Variants in RRAS2 observed in about 807,000 individuals in gnomAD.
The protein encoded by RRAS2 is ras-related protein R-Ras2.
Under a neutral mutation model 27.6 loss-of-function variants are expected in RRAS2, and 7 were observed. That is an observed-to-expected ratio of 0.25 (90% CI 0.14 to 0.48). The LOEUF is 0.48. RRAS2 is among the 20% of genes least tolerant of loss of function. RRAS2 has a pLI of 0.99. For synonymous variants in RRAS2, 86 were observed against 90.9 expected (o/e 0.95, Z 0.31); for missense variants, 178 against 256.2 (o/e 0.69, Z 2.08).
intron 1 of RRAS2, among the ~76,000 whole-genome samples, chr11:14,315,725 A>T (rs1848086616): frequency 6.6e-6 from 1 of 152,214 alleles, no homozygotes; most frequent in African/African-American, 2.4e-5. Flanking sequence ...TAAAGTTCTT[A>T]AAGTCTACTA....
rs182511248 is a variant in RRAS2, at chr11:14,332,870, G to C, written c.108+25893C>G. ...TGCAACAGTAAAAATAAGAATCAGA[G>C]TTCCCTGGAAACAATAACAATATAA... On this transcript the variant is annotated intron_variant, in intron 1 of 5. Transcript: ENST00000256196. Among the ~76,000 whole-genome samples the C allele has an allele frequency of 2.7e-3, 410 of 152,122 alleles. 2 individuals are homozygous for C. The highest frequency in any genetic ancestry group is 8.8e-3 in the African/African-American group (367 of 41,514).
intron 3 of RRAS2, 44 bp from the exon 4 acceptor site, chr11:14,294,623 G>A (rs782745417): frequency 8.6e-6 from 13 of 1,510,260 alleles, no homozygotes; most frequent in Non-Finnish European, 9.9e-6. Context: ...ATTTGGTCAA[G>A]TATCAGAATT....
chr11:14,364,311 A>T lies in RRAS2; in HGVS notation c.-124+80T>A. On this transcript the variant is annotated intron_variant, in intron 1 of 5. Coordinates refer to the RRAS2 transcript ENST00000529237. ...CTAGAATCAAGATTCCTCTAACCTC[A>T]TCTGTAGCTACAACAGACAGAGCCA... is the stretch of plus-strand genomic sequence containing the variant. 5 of 1,347,670 alleles carry T rather than the reference A, an allele frequency of 3.7e-6. No homozygotes were observed. In the South Asian group the frequency reaches 3.7e-5, roughly 10 times the overall value. The allele number at this position is 1,347,670 out of a possible 1,614,324, so 83.5% of individuals were successfully genotyped here. A position where few individuals can be genotyped will look rare whatever the true frequency, so the allele number is the denominator to read the frequency against.
chr11:14,281,389 A>G (rs2133942822), intron 5 of RRAS2, among the ~76,000 whole-genome samples: 1 of 152,312 alleles, frequency 6.6e-6, no homozygotes, highest in Non-Finnish European at 1.5e-5. Context: ...CTTTGGAAGC[A>G]GCATTTATTC....
rs781859589 is a variant in RRAS2 at position 14,277,969 on chromosome 11, G to A, written c.*1368C>T. ...ATTCTAGCACCTGAAGCTATACAAG[G>A]GTATGCTCTATAAACTTCATGGGAC... On this transcript the variant is annotated 3_prime_UTR_variant, in exon 6 of 6. Coordinates refer to ENST00000256196, the MANE Select transcript of RRAS2 (RefSeq NM_012250.6). The A allele has an allele frequency of 1.3e-5, 2 of 152,096 alleles. No individual in the cohort carries two copies. The highest frequency in any genetic ancestry group is 3.8e-4 in the East Asian group (2 of 5,196). The allele number at this position is 152,096 out of a possible 1,614,324, so 9.4% of individuals were successfully genotyped here.
intron 1 of RRAS2, among the ~76,000 whole-genome samples, chr11:14,340,604 A>AT: frequency 6.6e-6 from 1 of 152,306 alleles, no homozygotes; most frequent in South Asian, 2.1e-4. Flanking sequence ...AAACTAAACC[A>AT]TGCTAGAAGC....
chr11:14,349,631 T>C (rs1848910279), intron 1 of RRAS2, among the ~76,000 whole-genome samples: 1 of 152,244 alleles, frequency 6.6e-6, no homozygotes, highest in East Asian at 1.9e-4. Flanking sequence ...CTTATAACAG[T>C]ATAGACAATT....
intron 1 of RRAS2, among the ~76,000 whole-genome samples, chr11:14,333,486 A>T (rs1848523633): frequency 6.6e-6 from 1 of 151,072 alleles, no homozygotes. Context: ...GAAAAGAAAA[A>T]AACAAAAATA....
At chr11:14,348,418 A>T (rs1312080258) in intron 1 of RRAS2, among the ~76,000 whole-genome samples, 1 of 152,224 alleles carries the variant, frequency 6.6e-6, no homozygotes, top group African/African-American at 2.4e-5. Flanking sequence ...ACTTAGTTTT[A>T]AGATCCATTT....
chr11:14,330,955 T>C (rs1390093240), intron 1 of RRAS2, among the ~76,000 whole-genome samples: 1 of 152,236 alleles, frequency 6.6e-6, no homozygotes, highest in Non-Finnish European at 1.5e-5. Flanking sequence ...AGTTCACTGT[T>C]GCTCAGGGTG....
At chr11:14,321,745 C>T (rs1006583288) in intron 1 of RRAS2, among the ~76,000 whole-genome samples, 10 of 152,114 alleles carry the variant, frequency 6.6e-5, no homozygotes, top group African/African-American at 2.4e-4. Context: ...CTAAATGCTC[C>T]CCTGCTTCCA....
At chr11:14,328,223 A>G (rs1260696002) in intron 1 of RRAS2, among the ~76,000 whole-genome samples, 2 of 151,924 alleles carry the variant, frequency 1.3e-5, no homozygotes, top group African/African-American at 4.8e-5. Context: ...AAAATTAGCC[A>G]GGTGTGGTGG....
chr11:14,326,301 C>T (rs1848356383), intron 1 of RRAS2, among the ~76,000 whole-genome samples: 1 of 152,146 alleles, frequency 6.6e-6, no homozygotes, highest in Admixed American at 6.5e-5. Flanking sequence ...TAAAATGCTG[C>T]TGCTATTGTG....
upstream of RRAS2, among the ~76,000 whole-genome samples, chr11:14,362,855 A>T (rs536428431): frequency 2.8e-4 from 43 of 152,336 alleles, no homozygotes; most frequent in African/African-American, 9.9e-4. Flanking sequence ...TCGCAGAAGC[A>T]GTGTGATGCT....
intron 1 of RRAS2, among the ~76,000 whole-genome samples, chr11:14,307,856 T>C (rs1481580097): frequency 1.3e-5 from 2 of 152,184 alleles, no homozygotes; most frequent in Non-Finnish European, 2.9e-5. Flanking sequence ...GTCATTTTTT[T>C]TTAAATACAC....
rs1849422545 is a variant in RRAS2 at position 14,277,984 on chromosome 11, C to A, written c.*1353G>T. The A allele has an allele frequency of 6.6e-6, 1 of 152,200 alleles. No individual in the cohort carries two copies. Among genetic ancestry groups the A allele is most frequent in the African/African-American group, 2.4e-5 (1 of 41,438 alleles). The allele number at this position is 152,200 out of a possible 1,614,324, so 9.4% of individuals were successfully genotyped here. On this transcript the variant is annotated 3_prime_UTR_variant, in exon 6 of 6. Coordinates refer to ENST00000256196, the MANE Select transcript of RRAS2 (RefSeq NM_012250.6). ...GCTATACAAGGGTATGCTCTATAAA[C>A]TTCATGGGACTGTTGTACACACTTG... is the stretch of plus-strand genomic sequence containing the variant.
intron 4 of RRAS2, among the ~76,000 whole-genome samples, chr11:14,285,075 C>A (rs777457231): frequency 8.5e-5 from 13 of 152,126 alleles, no homozygotes; most frequent in Admixed American, 5.2e-4. Flanking sequence ...TAGTTGTCTT[C>A]TTTCTCTACC....
At chr11:14,341,200 T>A (rs1848697407) in intron 1 of RRAS2, among the ~76,000 whole-genome samples, 1 of 152,150 alleles carries the variant, frequency 6.6e-6, no homozygotes. Context: ...ATAAATTTCA[T>A]GAGCAAAAAA....
chr11:14,349,931 T>C (rs1848915707), intron 1 of RRAS2, among the ~76,000 whole-genome samples: 1 of 152,212 alleles, frequency 6.6e-6, no homozygotes, highest in Non-Finnish European at 1.5e-5. Context: ...GCTGCTTATA[T>C]ACTCAGTATG....
Sources: gnomAD v4.1 joint callset for allele counts (sites outside exome capture counted in the v4.1 genomes callset) on GRCh38, gnomAD v4.1.1 for gene constraint, MANE v1.5 for transcripts, NCBI Gene and HGNC (gene_info 2026-07-23, HGNC 2026-07-21) for gene names.